CDH8: variants seen among roughly 807,000 people sequenced by gnomAD.
CDH8 encodes the protein cadherin 8.
A neutral mutation model predicts 68.1 loss-of-function variants in CDH8; 17 were observed. That is an observed-to-expected ratio of 0.25 (90% CI 0.17 to 0.37). The LOEUF is 0.37. Ranked by LOEUF, CDH8 falls within the 10% of genes least tolerant of loss-of-function variation. The probability of loss-of-function intolerance (pLI) is 1.00; values close to 1 mark genes in which losing one functional copy is unlikely to be tolerated. For synonymous variants in CDH8, 372 were observed against 365.1 expected (o/e 1.02, Z -0.21); for missense variants, 763 against 999.3 (o/e 0.76, Z 3.19).
At chr16:61,676,846 G>A (rs1380903874) in intron 10 of CDH8, among the ~76,000 whole-genome samples, 3 of 151,950 alleles carry the variant, frequency 2.0e-5, no homozygotes, top group African/African-American at 7.2e-5. Context: ...TTCCCTCACT[G>A]CTTGCTACCA....
chr16:61,961,185 C>A lies in CDH8; in HGVS notation c.253-59712G>T, dbSNP rs117871187. On this transcript the variant is annotated intron_variant, in intron 2 of 11. Transcript: ENST00000577390. ...ACAAAATTAGCCAGGTGTGGAGGCA[C>A]GCACATGTAGTCCCAGCTGCTTGGG... Among the ~76,000 whole-genome samples, 67 of 152,050 alleles carry A rather than the reference C, an allele frequency of 4.4e-4. 1 individual carries two copies. In the East Asian group the frequency reaches 0.012, roughly 28 times the overall value.
At position 61,666,838 on chromosome 16, in the gene CDH8, A is replaced by G. The variant is rs961785299; in HGVS notation, c.1655-11117T>C. Among the ~76,000 whole-genome samples, 11 of 152,150 alleles carry G rather than the reference A, an allele frequency of 7.2e-5. No individual in the cohort carries two copies. The East Asian group carries it at 1.9e-3, about 27-fold the overall frequency. Reference sequence around the variant, plus strand: ...TTTATTTATAAAAACCCAGCAAAGCAATAAAAATACCAAATCCAGAAATTT... The same window carrying G: ...TTTATTTATAAAAACCCAGCAAAGCGATAAAAATACCAAATCCAGAAATTT... On this transcript the variant is annotated intron_variant, in intron 10 of 11. Coordinates refer to ENST00000577390, the MANE Select transcript of CDH8 (RefSeq NM_001796.5).
At chr16:61,894,372 T>C (rs999419194) in intron 3 of CDH8, among the ~76,000 whole-genome samples, 19 of 152,284 alleles carry the variant, frequency 1.2e-4, no homozygotes, top group African/African-American at 3.8e-4. Context: ...CTAGATATGA[T>C]ACTTTTACTA....
At position 61,727,218 on chromosome 16, in the gene CDH8, A is replaced by G. The variant is rs1959401434; in HGVS notation, c.1415-3T>C. The G allele has an allele frequency of 6.3e-7, 1 of 1,599,452 alleles. No homozygotes were observed. Among genetic ancestry groups the G allele is most frequent in the Non-Finnish European group, 8.5e-7 (1 of 1,171,004 alleles). ...TCGTGATATCTGACTGTGGTTCCCT[A>G]TGGGAAGGAAAAAATAACATCAGCA... On this transcript the variant is annotated splice_region_variant and splice_polypyrimidine_tract_variant and intron_variant, in intron 8 of 11. Coordinates refer to ENST00000577390, the MANE Select transcript of CDH8 (RefSeq NM_001796.5).
At chr16:62,028,592 T>C (rs1902251227) in intron 1 of CDH8, among the ~76,000 whole-genome samples, 1 of 152,122 alleles carries the variant, frequency 6.6e-6, no homozygotes, top group African/African-American at 2.4e-5. Context: ...ACAAAGACAA[T>C]AAAGTCAAAA....
At chr16:61,720,330 G>A (rs1390806677) in intron 9 of CDH8, among the ~76,000 whole-genome samples, 2 of 150,862 alleles carry the variant, frequency 1.3e-5, no homozygotes, top group African/African-American at 4.9e-5. Context: ...TAAAAAACCT[G>A]CTCATCATCA....
At chr16:61,871,718 C>T (rs553741256) in intron 3 of CDH8, among the ~76,000 whole-genome samples, 1 of 145,276 alleles carries the variant, frequency 6.9e-6, no homozygotes, top group African/African-American at 2.5e-5. Context: ...TGGCCTGGGT[C>T]CCAATAATCA....
At chr16:61,726,955 C>T in intron 9 of CDH8, 139 bp downstream of exon 9, 1 of 887,930 alleles carries the variant, frequency 1.1e-6, no homozygotes, top group Middle Eastern at 2.3e-4. Flanking sequence ...AATTCCCTCT[C>T]TGTTCCCATT....
intron 2 of CDH8, among the ~76,000 whole-genome samples, chr16:61,986,101 T>C (rs995149291): frequency 3.3e-5 from 5 of 151,338 alleles, no homozygotes; most frequent in African/African-American, 1.2e-4. Context: ...TTTTTGTATT[T>C]TTAGTAGAGA....
intron 3 of CDH8, among the ~76,000 whole-genome samples, chr16:61,860,125 G>A (rs1376142336): frequency 6.6e-6 from 1 of 152,046 alleles, no homozygotes; most frequent in Non-Finnish European, 1.5e-5. Flanking sequence ...ACAGGTGTGA[G>A]CCACCTTTCA....
intron 8 of CDH8, among the ~76,000 whole-genome samples, chr16:61,767,150 G>A (rs544288559): frequency 1.3e-5 from 2 of 151,980 alleles, no homozygotes; most frequent in Non-Finnish European, 2.9e-5. Flanking sequence ...GTGTGTGTGC[G>A]ACACTATTCA....
chr16:61,862,551 C>A (rs1963170982), intron 3 of CDH8, among the ~76,000 whole-genome samples: 1 of 152,170 alleles, frequency 6.6e-6, no homozygotes, highest in East Asian at 1.9e-4. Context: ...GAAAAGGCAG[C>A]ACTACTTTCC....
chr16:61,741,348 C>G (rs954649565), intron 8 of CDH8, among the ~76,000 whole-genome samples: 1 of 152,068 alleles, frequency 6.6e-6, no homozygotes, highest in African/African-American at 2.4e-5. Flanking sequence ...ATTTTTCTTT[C>G]TCTTAGTAGT....
At chr16:61,717,978 TAC>T (rs1373930578) in intron 9 of CDH8, among the ~76,000 whole-genome samples, 1 of 151,416 alleles carries the variant, frequency 6.6e-6, no homozygotes, top group Non-Finnish European at 1.5e-5. Flanking sequence ...TATGTATATA[TAC>T]ACACATACAT....
intron 4 of CDH8, among the ~76,000 whole-genome samples, chr16:61,825,968 T>C (rs183705091): frequency 2.6e-5 from 4 of 152,012 alleles, no homozygotes; most frequent in Non-Finnish European, 5.9e-5. Context: ...TTGTTAAAGA[T>C]CCAAAATTTT....
intron 4 of CDH8, among the ~76,000 whole-genome samples, chr16:61,836,601 G>T (rs2143006386): frequency 6.6e-6 from 1 of 152,058 alleles, no homozygotes; most frequent in South Asian, 2.1e-4. Context: ...GGGCAGAAAA[G>T]CACAGCTATT....
chr16:61,685,078 A>C (rs2142812815), intron 10 of CDH8, among the ~76,000 whole-genome samples: 1 of 151,964 alleles, frequency 6.6e-6, no homozygotes, highest in East Asian at 2.0e-4. Flanking sequence ...TTGAACATTC[A>C]ACATGGTTTC....
chr16:61,731,826 G>T (rs866518179), intron 8 of CDH8, among the ~76,000 whole-genome samples: 2 of 151,700 alleles, frequency 1.3e-5, no homozygotes, highest in South Asian at 4.1e-4. Context: ...AGAGTTCAAA[G>T]TAGCCATTAA....
intron 4 of CDH8, among the ~76,000 whole-genome samples, chr16:61,830,719 T>C (rs1962437816): frequency 6.6e-6 from 1 of 151,754 alleles, no homozygotes; most frequent in African/African-American, 2.4e-5. Flanking sequence ...GGCGACAAGT[T>C]AGTGGTCTCA....
Sources: allele counts gnomAD v4.1 joint callset (sites outside exome capture counted in the v4.1 genomes callset), GRCh38; gene constraint gnomAD v4.1.1; transcripts MANE v1.5; gene names NCBI Gene and HGNC (gene_info 2026-07-23, HGNC 2026-07-21).